TWIST2: variants seen among roughly 807,000 people sequenced by gnomAD.
TWIST2 encodes twist family bHLH transcription factor 2.
A neutral mutation model predicts 11.6 loss-of-function variants in TWIST2; 1 was observed. The observed-to-expected ratio is 0.09, with a 90% CI of 0.03 to 0.41. The LOEUF (loss-of-function observed/expected upper bound fraction) is 0.41. TWIST2 is among the 10% of genes least tolerant of loss of function. The pLI is 0.98. For missense variants in TWIST2, 168 were observed against 226.4 expected, an observed-to-expected ratio of 0.74 and a Z score of 1.66; for synonymous variants, 87 against 96.6, an observed-to-expected ratio of 0.90 and a Z score of 0.58.
intron 1 of TWIST2, among the ~76,000 whole-genome samples, chr2:238,897,087 C>T (rs1693215501): frequency 6.6e-6 from 1 of 152,196 alleles, no homozygotes; most frequent in South Asian, 2.1e-4. Context: ...AGAACAGAGC[C>T]TGCTTTCCAT....
chr2:238,898,428 G>A (rs1693230916), intron 1 of TWIST2, among the ~76,000 whole-genome samples: 1 of 152,256 alleles, frequency 6.6e-6, no homozygotes, highest in African/African-American at 2.4e-5. Flanking sequence ...AGCTCCTGGG[G>A]AATGGTGCTG....
intron 1 of TWIST2, among the ~76,000 whole-genome samples, chr2:238,883,878 G>T (rs745415014): frequency 3.3e-5 from 5 of 152,188 alleles, no homozygotes; most frequent in African/African-American, 7.2e-5. Flanking sequence ...CATCTGCAAG[G>T]CTTCAGTAAT....
intron 1 of TWIST2, among the ~76,000 whole-genome samples, chr2:238,893,047 A>T (rs1236285409): frequency 6.6e-6 from 1 of 152,214 alleles, no homozygotes; most frequent in Non-Finnish European, 1.5e-5. Flanking sequence ...GCTCCGCCAG[A>T]AACTCCAACT....
At chr2:238,880,611 GTATT>G (rs1182496930) in intron 1 of TWIST2, among the ~76,000 whole-genome samples, 5 of 88,234 alleles carry the variant, frequency 5.7e-5, no homozygotes, top group South Asian at 4.2e-4. Context: ...ATTAGTGTTA[GTATT>G]TATTAGTATT....
At chr2:238,884,775 G>C (rs771403849) in intron 1 of TWIST2, among the ~76,000 whole-genome samples, 1 of 152,212 alleles carries the variant, frequency 6.6e-6, no homozygotes, top group South Asian at 2.1e-4. Context: ...CGCAGGTCAG[G>C]AGCACAGGGA....
intron 1 of TWIST2, among the ~76,000 whole-genome samples, chr2:238,858,707 T>C (rs1206297140): frequency 1.3e-5 from 2 of 152,202 alleles, no homozygotes; most frequent in Non-Finnish European, 2.9e-5. Flanking sequence ...CTCTGGCTAC[T>C]AGAATTCTAA....
At chr2:238,895,854 G>T (rs936605996) in intron 1 of TWIST2, among the ~76,000 whole-genome samples, 1 of 152,110 alleles carries the variant, frequency 6.6e-6, no homozygotes, top group Non-Finnish European at 1.5e-5. Flanking sequence ...GGCCTGGTCC[G>T]CTGCAGACAA....
intron 1 of TWIST2, among the ~76,000 whole-genome samples, chr2:238,908,821 TTGTGTGG>T (rs1693400904): frequency 6.7e-6 from 1 of 148,658 alleles, no homozygotes; most frequent in African/African-American, 2.5e-5. Context: ...TGCGGTATGT[TTGTGTGG>T]TGTGTGGTGT....
chr2:238,880,283 ATTAGTG>A (rs971244388), intron 1 of TWIST2, among the ~76,000 whole-genome samples: 1 of 149,854 alleles, frequency 6.7e-6, no homozygotes, highest in African/African-American at 2.5e-5. Flanking sequence ...ACTAGTATTT[ATTAGTG>A]TTAGTGTTAT....
At chr2:238,874,407 C>T (rs1475107573) in intron 1 of TWIST2, among the ~76,000 whole-genome samples, 1 of 152,106 alleles carries the variant, frequency 6.6e-6, no homozygotes, top group African/African-American at 2.4e-5. Context: ...AATTTAGTTA[C>T]TTAAGGCTCT....
At chr2:238,905,939 G>GCGCA (rs1403288912) in intron 1 of TWIST2, among the ~76,000 whole-genome samples, 2 of 106,680 alleles carry the variant, frequency 1.9e-5, no homozygotes, top group Non-Finnish European at 4.0e-5. Context: ...GTGCGCGTGT[G>GCGCA]TGTGCGCGCG....
intron 1 of TWIST2, among the ~76,000 whole-genome samples, chr2:238,902,614 C>T (rs1450677948): frequency 7.8e-6 from 1 of 127,902 alleles, no homozygotes; most frequent in Non-Finnish European, 1.6e-5. Flanking sequence ...ATGAGTTGTG[C>T]ATGATGTGAG....
intron 1 of TWIST2, among the ~76,000 whole-genome samples, chr2:238,853,758 C>T (rs1205750189): frequency 6.6e-6 from 1 of 152,192 alleles, no homozygotes; most frequent in Admixed American, 6.5e-5. Context: ...CAACACATAA[C>T]TTGATTCCAG....
At position 238,886,095 on chromosome 2, in the gene TWIST2, CAA is replaced by C. The variant is rs67714100; in HGVS notation, c.*36-23730_*36-23729del. ...TGGGTGACAGAGTGAGACTCCATCT[CAA>C]AAAAAAAAAAAAAAAATCACATTAC... On this transcript the variant is annotated intron_variant, in intron 1 of 1. Transcript: ENST00000612363. Among the ~76,000 whole-genome samples the C allele has an allele frequency of 7.1e-3, 875 of 123,204 alleles. 1 individual carries two copies. Among genetic ancestry groups the C allele is most frequent in the South Asian group, 0.028 (101 of 3,630 alleles). 80.8% of individuals were successfully genotyped at this position (123,204 alleles called of 152,430 possible). A position where few individuals can be genotyped will look rare whatever the true frequency, so the allele number is the denominator to read the frequency against.
intron 1 of TWIST2, among the ~76,000 whole-genome samples, chr2:238,875,320 G>A (rs1472241230): frequency 2.0e-5 from 3 of 151,736 alleles, no homozygotes; most frequent in Non-Finnish European, 2.9e-5. Context: ...GTGCAGCTGT[G>A]GGTCTTCTCC....
intron 1 of TWIST2, among the ~76,000 whole-genome samples, chr2:238,873,220 G>T (rs1004009271): frequency 3.3e-5 from 5 of 152,172 alleles, no homozygotes; most frequent in Admixed American, 6.5e-5. Context: ...CCTCCCACGT[G>T]CTGGGCTCCA....
At chr2:238,862,369 C>T (rs950949522) in intron 1 of TWIST2, among the ~76,000 whole-genome samples, 2 of 151,742 alleles carry the variant, frequency 1.3e-5, no homozygotes, top group East Asian at 3.9e-4. Context: ...AGAAAAAGGG[C>T]CTTTAAAAAA....
At chr2:238,887,800 G>A (rs1489810630) in intron 1 of TWIST2, among the ~76,000 whole-genome samples, 3 of 152,240 alleles carry the variant, frequency 2.0e-5, no homozygotes, top group Non-Finnish European at 4.4e-5. Context: ...TCGTGACTGC[G>A]TGGAGCAGAG....
At chr2:238,878,505 G>C (rs1692846506) in intron 1 of TWIST2, among the ~76,000 whole-genome samples, 1 of 152,172 alleles carries the variant, frequency 6.6e-6, no homozygotes, top group African/African-American at 2.4e-5. Context: ...GACCCATTCG[G>C]CATCCCAGGT....
Sources: allele counts gnomAD v4.1 joint callset (sites outside exome capture counted in the v4.1 genomes callset), GRCh38; gene constraint gnomAD v4.1.1; transcripts MANE v1.5; gene names NCBI Gene and HGNC (gene_info 2026-07-23, HGNC 2026-07-21).